The following TRAF5 variants were observed in gnomAD, a reference collection of about 807,000 sequenced individuals.
The protein encoded by TRAF5 is TNF receptor associated factor 5.
In TRAF5, 48 loss-of-function variants were observed where a neutral mutation model predicts 64.5. The ratio of observed to expected loss-of-function variants is 0.74; its 90% CI spans 0.59 to 0.95. TRAF5 has a LOEUF of 0.95. Ranked by LOEUF, TRAF5 falls within the 40% of genes least tolerant of loss-of-function variation. The pLI, the probability that TRAF5 is intolerant of heterozygous loss-of-function variation, is 0.00. For missense variants in TRAF5, 545 were observed against 662.8 expected (o/e 0.82, Z 1.95); for synonymous variants, 206 against 240.5 (o/e 0.86, Z 1.33).
intron 4 of TRAF5, 164 bp downstream of exon 4, chr1:211,356,632 C>A: frequency 1.7e-6 from 1 of 599,340 alleles, no homozygotes. Flanking sequence ...TGCTGTAGCC[C>A]ACCTACGGCT....
intron 1 of TRAF5, among the ~76,000 whole-genome samples, chr1:211,327,853 C>G (rs1361522878): frequency 6.6e-6 from 1 of 152,264 alleles, no homozygotes; most frequent in Non-Finnish European, 1.5e-5. Flanking sequence ...AGCCCCCACC[C>G]TCCATAGCCT....
At chr1:211,354,996 A>C (rs1468694045) in intron 3 of TRAF5, among the ~76,000 whole-genome samples, 3 of 152,094 alleles carry the variant, frequency 2.0e-5, no homozygotes, top group African/African-American at 7.2e-5. Context: ...AACATGGCGA[A>C]ACCCTGTCTC....
At position 211,356,326 on chromosome 1, in the gene TRAF5, A is replaced by G. The variant is rs765447831; in HGVS notation, c.277-41A>G. ...TAATAGCTTAATTCACATTGCTGTAAAACTTTGAAGTGTGTGAGACCTATT... is the reference window on the plus strand; with the variant it reads ...TAATAGCTTAATTCACATTGCTGTAGAACTTTGAAGTGTGTGAGACCTATT... On this transcript the variant is annotated intron_variant, in intron 3 of 10. Transcript: ENST00000261464. 4 of 1,553,482 alleles carry G rather than the reference A, an allele frequency of 2.6e-6. No homozygotes were observed. In the Admixed American group the frequency reaches 6.8e-5, roughly 26 times the overall value.
chr1:211,347,736 A>G (rs1012515355), intron 1 of TRAF5, among the ~76,000 whole-genome samples: 1 of 152,216 alleles, frequency 6.6e-6, no homozygotes, highest in Admixed American at 6.5e-5. Context: ...ACAGCCATCT[A>G]ATAGAGCAGT....
chr1:211,332,983 C>G (rs1702194474), intron 1 of TRAF5, among the ~76,000 whole-genome samples: 1 of 152,186 alleles, frequency 6.6e-6, no homozygotes, highest in East Asian at 1.9e-4. Context: ...TAAGTTCTTT[C>G]CCCACCTCTT....
intron 1 of TRAF5, among the ~76,000 whole-genome samples, chr1:211,349,749 G>A (rs1702726205): frequency 6.6e-6 from 1 of 152,214 alleles, no homozygotes. Context: ...GAGGGAACCT[G>A]AACTGAGTTT....
chr1:211,353,115 A>G (rs1418702284), intron 1 of TRAF5, 124 bp from the exon 2 acceptor site: 12 of 986,766 alleles, frequency 1.2e-5, no homozygotes, highest in Non-Finnish European at 1.8e-5. Flanking sequence ...TTTCAGAGTC[A>G]CAACAGAATG....
rs980240300 is a variant in TRAF5, at chr1:211,326,834, G to C, written c.-57G>C. On this transcript the variant is annotated 5_prime_UTR_variant, in exon 1 of 11. Transcript: ENST00000261464. The surrounding 1 kb of genome is among the most constrained non-coding windows in gnomAD (Gnocchi z 5.0). ...TCGCCGCCGCCGCCGGCCGCAGCCA[G>C]GAGCAGCAGCCGCGCCTGCAGACCG... 6.1e-6 allele frequency: 6 copies of C among 984,578 alleles called. No individual in the cohort carries two copies. The African/African-American group carries it at 1.1e-4, about 17-fold the overall frequency. 61.0% of individuals were successfully genotyped at this position (984,578 alleles called of 1,614,324 possible). A position where few individuals can be genotyped will look rare whatever the true frequency, so the allele number is the denominator to read the frequency against.
chr1:211,341,018 C>T (rs1431495841), intron 1 of TRAF5, among the ~76,000 whole-genome samples: 1 of 152,162 alleles, frequency 6.6e-6, no homozygotes, highest in African/African-American at 2.4e-5. Flanking sequence ...TCTTTGTAAG[C>T]AAGGAGGATG....
chr1:211,362,535 C>T (rs1240226551), intron 7 of TRAF5, among the ~76,000 whole-genome samples: 2 of 152,002 alleles, frequency 1.3e-5, no homozygotes, highest in Non-Finnish European at 2.9e-5. Context: ...CAAAAGTTAG[C>T]TGGGTGTGGT....
intron 3 of TRAF5, among the ~76,000 whole-genome samples, chr1:211,355,241 T>G (rs1230017399): frequency 6.6e-6 from 1 of 152,188 alleles, no homozygotes; most frequent in African/African-American, 2.4e-5. Context: ...TGCTAAGATT[T>G]GCAAATATTT....
At chr1:211,362,770 T>G (rs1703226999) in intron 7 of TRAF5, among the ~76,000 whole-genome samples, 1 of 152,178 alleles carries the variant, frequency 6.6e-6, no homozygotes, top group Admixed American at 6.5e-5. Context: ...TTGATAAATT[T>G]GTAAATATTT....
intron 8 of TRAF5, among the ~76,000 whole-genome samples, chr1:211,366,483 G>A (rs1287551827): frequency 1.3e-5 from 2 of 152,190 alleles, no homozygotes; most frequent in Non-Finnish European, 1.5e-5. Flanking sequence ...TAACATAAAT[G>A]TAAACAGGTA....
intron 1 of TRAF5, among the ~76,000 whole-genome samples, chr1:211,333,971 A>G (rs1311735841): frequency 6.6e-6 from 1 of 152,232 alleles, no homozygotes; most frequent in Non-Finnish European, 1.5e-5. Context: ...GGGGTCCCCA[A>G]GACCATTCCC....
intron 1 of TRAF5, among the ~76,000 whole-genome samples, chr1:211,340,371 G>A (rs546416674): frequency 9.2e-5 from 14 of 152,208 alleles, no homozygotes; most frequent in African/African-American, 3.1e-4. Context: ...TGCAACTTCC[G>A]CCTCTTGGGT....
chr1:211,369,417 A>T, intron 8 of TRAF5, 35 bp from the exon 9 acceptor site: 1 of 1,557,584 alleles, frequency 6.4e-7, no homozygotes, highest in Non-Finnish European at 8.6e-7. Flanking sequence ...AGTTATATTC[A>T]GTGACTTTAT....
intron 8 of TRAF5, among the ~76,000 whole-genome samples, chr1:211,365,783 C>T (rs569156983): frequency 6.6e-6 from 1 of 152,206 alleles, no homozygotes. Context: ...GTCCAGTACT[C>T]CCCATGGTAT....
At position 211,362,690 on chromosome 1, in the gene TRAF5, C is replaced by T. The variant is rs144129467; in HGVS notation, c.696+1528C>T. ...GTGAGACTGTCTCAAAATAAACAAA[C>T]GAAAAAACCCCCCCAACAACAACAA... On this transcript the variant is annotated intron_variant, in intron 7 of 10. Coordinates refer to ENST00000261464, the MANE Select transcript of TRAF5 (RefSeq NM_001033910.3). Among the ~76,000 whole-genome samples the T allele has an allele frequency of 3.0e-3, 457 of 151,970 alleles. 3 individuals carry two copies. The highest frequency in any genetic ancestry group is 0.01 in the Middle Eastern group (3 of 294).
intron 1 of TRAF5, among the ~76,000 whole-genome samples, chr1:211,345,518 G>A (rs558449812): frequency 3.9e-5 from 6 of 152,254 alleles, no homozygotes; most frequent in African/African-American, 1.2e-4. Flanking sequence ...CCAGAGACCC[G>A]TTGGGTCACT....
Sources: gnomAD v4.1 joint callset for allele counts (sites outside exome capture counted in the v4.1 genomes callset) on GRCh38, gnomAD v4.1.1 for gene constraint, Gnocchi (gnomAD v3.1) non-coding constraint, MANE v1.5 for transcripts, NCBI Gene and HGNC (gene_info 2026-07-23, HGNC 2026-07-21) for gene names.